The following GALNT14 variants were observed in gnomAD, a reference collection of about 807,000 sequenced individuals.
The protein encoded by GALNT14 is UDP-GalNAc:polypeptide N-acetylgalactosaminyltransferase 14.
A neutral mutation model predicts 77.5 loss-of-function variants in GALNT14; 60 were observed. That is an observed-to-expected ratio of 0.77 (90% CI 0.63 to 0.96). The LOEUF is 0.96. GALNT14 is among the 40% of genes least tolerant of loss of function. GALNT14 has a pLI of 0.00. For synonymous variants in GALNT14, 280 were observed against 281.7 expected (o/e 0.99, Z 0.06); for missense variants, 710 against 731.0 (o/e 0.97, Z 0.33).
In GALNT14 at chr2:30,998,810, C is replaced by T. The variant is rs78305476; in HGVS notation, c.130-5803G>A. On this transcript the variant is annotated intron_variant, in intron 1 of 14. Transcript: ENST00000349752. ...CCATGTTCTTTGCCATTAGGCAGCA[C>T]GGCCTTATCACAGCCTCACTGCCAT... Among the ~76,000 whole-genome samples, 15 of 152,330 alleles carry T rather than the reference C, an allele frequency of 9.8e-5. 1 individual carries two copies. Among genetic ancestry groups the T allele is most frequent in the East Asian group, 5.8e-4 (3 of 5,178 alleles).
intron 13 of GALNT14, among the ~76,000 whole-genome samples, chr2:30,913,239 C>T (rs1481495711): frequency 6.6e-6 from 1 of 152,084 alleles, no homozygotes; most frequent in African/African-American, 2.4e-5. Flanking sequence ...TTACCCTTTG[C>T]CTCCGTCTGG....
downstream of GALNT14, among the ~76,000 whole-genome samples, chr2:30,909,896 G>T (rs1168695321): frequency 3.3e-5 from 5 of 151,762 alleles, no homozygotes; most frequent in Non-Finnish European, 5.9e-5. Context: ...AATGATGAGT[G>T]CATGTCCTTT....
chr2:30,998,721 C>T (rs2148416239), intron 1 of GALNT14, among the ~76,000 whole-genome samples: 1 of 152,322 alleles, frequency 6.6e-6, no homozygotes, highest in Admixed American at 6.5e-5. Context: ...AGTCCTGTGT[C>T]TGATATCACA....
At chr2:30,917,499 T>TC (rs1478594466) in intron 13 of GALNT14, among the ~76,000 whole-genome samples, 1 of 152,134 alleles carries the variant, frequency 6.6e-6, no homozygotes, top group Admixed American at 6.5e-5. Flanking sequence ...GGGCAGTCTC[T>TC]CCAAGCCTCC....
At chr2:31,036,948 T>C (rs1234398052) in intron 1 of GALNT14, among the ~76,000 whole-genome samples, 10 of 152,248 alleles carry the variant, frequency 6.6e-5, no homozygotes, top group Non-Finnish European at 1.3e-4. Context: ...ATTTTTACTA[T>C]GACGTGTCTA....
chr2:30,933,696 G>A (rs1442000396), intron 9 of GALNT14, among the ~76,000 whole-genome samples: 1 of 152,174 alleles, frequency 6.6e-6, no homozygotes, highest in Non-Finnish European at 1.5e-5. Flanking sequence ...ACTGAATCAT[G>A]GCAATAACAT....
intron 1 of GALNT14, among the ~76,000 whole-genome samples, chr2:31,041,850 A>G (rs1363275751): frequency 6.6e-6 from 1 of 152,186 alleles, no homozygotes; most frequent in Non-Finnish European, 1.5e-5. Context: ...CGAATACTGG[A>G]GATGTGAGAA....
In GALNT14 at chr2:30,985,650, G is replaced by A. The variant is rs368274755; in HGVS notation, c.299+7188C>T. The stretch of plus-strand genomic sequence containing the variant: ...CCCTTCCTCCCCCAGAGGAGGAGAT[G>A]CTCTGGAGTGAACTCAGAGATCAAA... On this transcript the variant is annotated intron_variant, in intron 2 of 14. Coordinates refer to ENST00000349752, the MANE Select transcript of GALNT14 (RefSeq NM_024572.4). 3.3e-5 allele frequency among the ~76,000 whole-genome samples: 5 copies of A among 152,344 alleles called. No individual in the cohort carries two copies. The East Asian group carries it at 5.8e-4, about 18-fold the overall frequency.
chr2:31,119,159 C>T (rs749508466), intron 1 of GALNT14, among the ~76,000 whole-genome samples: 5 of 151,956 alleles, frequency 3.3e-5, no homozygotes, highest in East Asian at 1.9e-4. Flanking sequence ...CTAGGACTTA[C>T]GATGATCTTT....
At chr2:31,008,388 C>T (rs1670807120) in intron 1 of GALNT14, among the ~76,000 whole-genome samples, 1 of 152,144 alleles carries the variant, frequency 6.6e-6, no homozygotes, top group African/African-American at 2.4e-5. Context: ...TGAACCACTG[C>T]ACCCTGCCAA....
chr2:30,945,974 G>A, intron 6 of GALNT14, 104 bp from the exon 7 acceptor site: 1 of 861,146 alleles, frequency 1.2e-6, no homozygotes, highest in Non-Finnish European at 1.9e-6. Context: ...TGAGTTTTGT[G>A]GCCTTCATAG....
At chr2:30,909,929 A>C (rs186282031), downstream of GALNT14, among the ~76,000 whole-genome samples, 7,129 of 151,814 alleles carry the variant, frequency 0.047, 540 homozygotes, top group African/African-American at 0.16. Flanking sequence ...ATGAAATTGG[A>C]AAACATCATT....
intron 1 of GALNT14, among the ~76,000 whole-genome samples, chr2:31,035,553 A>ATGTGTGTGTGTGTGTGTG (rs573163116): frequency 4.2e-4 from 55 of 129,522 alleles, no homozygotes; most frequent in Non-Finnish European, 7.0e-4. Context: ...GATAAAGAAA[A>ATGTGTGTGTGTGTGTGTG]TGTGTGTGTG....
At chr2:31,131,757 C>T (rs1328897137) in intron 1 of GALNT14, among the ~76,000 whole-genome samples, 1 of 152,154 alleles carries the variant, frequency 6.6e-6, no homozygotes, top group Non-Finnish European at 1.5e-5. Context: ...CCCACGGCAG[C>T]CTTATTCCGT....
chr2:31,005,422 C>G (rs1175830357), intron 1 of GALNT14, among the ~76,000 whole-genome samples: 2 of 152,180 alleles, frequency 1.3e-5, no homozygotes, highest in African/African-American at 4.8e-5. Flanking sequence ...TCCTCCTCCT[C>G]CCAAGGACAA....
intron 1 of GALNT14, among the ~76,000 whole-genome samples, chr2:31,088,110 T>C (rs1395444858): frequency 6.6e-6 from 1 of 152,210 alleles, no homozygotes; most frequent in Non-Finnish European, 1.5e-5. Context: ...TATGGTATTC[T>C]GTTATAGCAG....
At chr2:31,122,722 A>C (rs972867387) in intron 1 of GALNT14, among the ~76,000 whole-genome samples, 2 of 151,956 alleles carry the variant, frequency 1.3e-5, no homozygotes, top group Non-Finnish European at 2.9e-5. Context: ...TTCTATAAAC[A>C]TTTTCTATAA....
intron 3 of GALNT14, among the ~76,000 whole-genome samples, chr2:30,961,716 T>C (rs996739003): frequency 6.6e-6 from 1 of 151,704 alleles, no homozygotes; most frequent in South Asian, 2.1e-4. Context: ...AGTTTCACTG[T>C]TGTTGCCAAG....
intron 1 of GALNT14, among the ~76,000 whole-genome samples, chr2:31,078,388 A>G (rs373431923): frequency 1.9e-3 from 282 of 152,308 alleles, no homozygotes; most frequent in African/African-American, 6.5e-3. Context: ...CCCCCTCTTA[A>G]TGGGCCTTCC....
Sources: allele counts gnomAD v4.1 joint callset (sites outside exome capture counted in the v4.1 genomes callset), GRCh38; gene constraint gnomAD v4.1.1; transcripts MANE v1.5; gene names NCBI Gene and HGNC (gene_info 2026-07-23, HGNC 2026-07-21).